CRYZL1: variants seen among roughly 807,000 people sequenced by gnomAD.
CRYZL1 encodes the protein ferry endosomal RAB5 effector complex subunit 4.
In CRYZL1, 34 loss-of-function variants were observed where a neutral mutation model predicts 50.6. The ratio of observed to expected loss-of-function variants is 0.67; its 90% CI spans 0.51 to 0.89. CRYZL1 has a LOEUF of 0.89. Ranked by LOEUF, CRYZL1 falls within the 40% of genes least tolerant of loss-of-function variation. CRYZL1 has a pLI of 0.00. For missense variants in CRYZL1, 354 were observed against 402.3 expected, an observed-to-expected ratio of 0.88 and a Z score of 1.03; for synonymous variants, 125 against 134.3, an observed-to-expected ratio of 0.93 and a Z score of 0.48.
chr21:33,604,459 G>A (rs959013733), intron 6 of CRYZL1, among the ~76,000 whole-genome samples: 1 of 151,458 alleles, frequency 6.6e-6, no homozygotes, highest in Non-Finnish European at 1.5e-5. Context: ...AACCCGGGAG[G>A]TGGAGGTTGC....
At chr21:33,624,363 A>G (rs1029026659) in intron 3 of CRYZL1, among the ~76,000 whole-genome samples, 52 of 152,322 alleles carry the variant, frequency 3.4e-4, no homozygotes, top group African/African-American at 1.1e-3. Flanking sequence ...CCTGGCCAAC[A>G]TGGCAAAACC....
intron 6 of CRYZL1, among the ~76,000 whole-genome samples, chr21:33,605,880 A>G (rs1245443589): frequency 1.3e-5 from 2 of 151,996 alleles, no homozygotes; most frequent in Admixed American, 1.3e-4. Flanking sequence ...CACAGTCTTT[A>G]CCAGCTCTTT....
chr21:33,622,525 C>T (rs575527656), intron 3 of CRYZL1, among the ~76,000 whole-genome samples: 2 of 152,150 alleles, frequency 1.3e-5, no homozygotes, highest in African/African-American at 4.8e-5. Context: ...TCTCAAAAGC[C>T]TTGGGTTAGG....
intron 2 of CRYZL1, among the ~76,000 whole-genome samples, chr21:33,630,892 A>T (rs574218798): frequency 6.6e-6 from 1 of 152,354 alleles, no homozygotes; most frequent in African/African-American, 2.4e-5. Flanking sequence ...TAAGCTAAGC[A>T]CAGAATGACA....
chr21:33,638,465 G>A lies in CRYZL1; in HGVS notation c.-7+3216C>T, dbSNP rs549056950. Among the ~76,000 whole-genome samples the A allele has an allele frequency of 2.3e-4, 35 of 152,168 alleles. No homozygotes were observed. The South Asian group carries it at 4.6e-3, about 20-fold the overall frequency. On this transcript the variant is annotated intron_variant, in intron 1 of 12. Coordinates refer to ENST00000381554, the MANE Select transcript of CRYZL1 (RefSeq NM_145858.3). ...CCTGACCTCCTGATCCACCCACCTC[G>A]GCTTCCCAAAGTGCTGGGATTACAG...
chr21:33,604,668 G>A (rs1461859587), intron 6 of CRYZL1, among the ~76,000 whole-genome samples: 1 of 152,118 alleles, frequency 6.6e-6, no homozygotes, highest in Non-Finnish European at 1.5e-5. Flanking sequence ...GGATGAGGCT[G>A]TTAGAGCACT....
At chr21:33,640,746 C>T (rs1354106041) in intron 1 of CRYZL1, among the ~76,000 whole-genome samples, 3 of 152,158 alleles carry the variant, frequency 2.0e-5, no homozygotes, top group African/African-American at 7.2e-5. Flanking sequence ...CAGCCACTAG[C>T]ACAGGTGGCT....
intron 3 of CRYZL1, among the ~76,000 whole-genome samples, chr21:33,622,719 C>G (rs919757697): frequency 2.0e-5 from 3 of 152,076 alleles, no homozygotes; most frequent in Admixed American, 6.6e-5. Flanking sequence ...TCTTTAAGCC[C>G]GTGGTTTAAG....
chr21:33,593,381 C>T (rs972778068), intron 11 of CRYZL1, among the ~76,000 whole-genome samples: 14 of 152,144 alleles, frequency 9.2e-5, no homozygotes, highest in African/African-American at 3.1e-4. Context: ...GCTGGGATTA[C>T]AGGCGTGAGC....
chr21:33,638,305 C>T (rs957445792), intron 1 of CRYZL1, among the ~76,000 whole-genome samples: 4 of 151,624 alleles, frequency 2.6e-5, no homozygotes, highest in South Asian at 2.1e-4. Flanking sequence ...CTCCGCCTCC[C>T]GGCTTCAAGT....
intron 4 of CRYZL1, among the ~76,000 whole-genome samples, chr21:33,619,553 TTTTTTTTTCTTTTTC>T (rs1477082868): frequency 6.6e-6 from 1 of 151,578 alleles, no homozygotes; most frequent in African/African-American, 2.4e-5. Context: ...CGAAGGATAA[TTTTTTTTTCTTTTTC>T]TTTTTTTTCT....
chr21:33,630,947 T>C (rs377302684), intron 2 of CRYZL1, among the ~76,000 whole-genome samples: 4 of 152,266 alleles, frequency 2.6e-5, no homozygotes, highest in African/African-American at 9.6e-5. Context: ...AGACAGTTGA[T>C]TGCATAGACG....
chr21:33,597,219 T>C, intron 10 of CRYZL1, 61 bp downstream of exon 10: 1 of 1,530,824 alleles, frequency 6.5e-7, no homozygotes, highest in South Asian at 1.1e-5. Context: ...ACTTAGGCAT[T>C]ATTGTTTGTT....
At chr21:33,606,799 C>A (rs2086819386) in intron 6 of CRYZL1, among the ~76,000 whole-genome samples, 1 of 152,072 alleles carries the variant, frequency 6.6e-6, no homozygotes, top group African/African-American at 2.4e-5. Context: ...CACCTGAGGT[C>A]AGGAGTTCAA....
At chr21:33,617,805 C>A (rs2086951558) in intron 4 of CRYZL1, among the ~76,000 whole-genome samples, 1 of 152,088 alleles carries the variant, frequency 6.6e-6, no homozygotes, top group Admixed American at 6.5e-5. Flanking sequence ...TTTAACCAGG[C>A]CCAGGGCGTG....
At chr21:33,606,607 CAG>C (rs1231437018) in intron 6 of CRYZL1, among the ~76,000 whole-genome samples, 3 of 151,184 alleles carry the variant, frequency 2.0e-5, no homozygotes, top group Non-Finnish European at 4.4e-5. Context: ...GACTAGGTGA[CAG>C]GGCAAGACTT....
At chr21:33,608,677 A>C (rs1461445682) in intron 6 of CRYZL1, among the ~76,000 whole-genome samples, 1 of 152,110 alleles carries the variant, frequency 6.6e-6, no homozygotes, top group Non-Finnish European at 1.5e-5. Flanking sequence ...CTCCATTTCC[A>C]TCTGTGTTGT....
intron 5 of CRYZL1, chr21:33,616,380 C>T (rs1214622410): frequency 1.5e-5 from 3 of 196,222 alleles, no homozygotes; most frequent in Non-Finnish European, 2.2e-5. Flanking sequence ...ACAACCTCTG[C>T]CTCCTGGGTT....
At chr21:33,603,631 C>T in intron 6 of CRYZL1, 94 bp from the exon 7 acceptor site, 2 of 1,434,672 alleles carry the variant, frequency 1.4e-6, no homozygotes, top group Non-Finnish European at 9.5e-7. Context: ...ACTACTATGG[C>T]CCTGGTCCAA....
Sources: allele counts gnomAD v4.1 joint callset (sites outside exome capture counted in the v4.1 genomes callset), GRCh38; gene constraint gnomAD v4.1.1; transcripts MANE v1.5; gene names NCBI Gene and HGNC (gene_info 2026-07-23, HGNC 2026-07-21).